CD44: variants seen among roughly 807,000 people sequenced by gnomAD.
CD44 encodes the protein CD44 antigen.
In CD44, 49 loss-of-function variants were observed where a neutral mutation model predicts 88.8. That is an observed-to-expected ratio of 0.55 (90% CI 0.44 to 0.70). CD44 has a LOEUF of 0.70. Among genes scored for constraint, CD44 ranks in the 30% least tolerant of loss-of-function variants. The pLI is 0.00. For synonymous variants in CD44, 325 were observed against 312.3 expected (o/e 1.04, Z -0.43); for missense variants, 883 against 913.8 (o/e 0.97, Z 0.43).
intron 16 of CD44, among the ~76,000 whole-genome samples, 181 bp from the exon 17 acceptor site, chr11:35,221,473 A>G (rs1949296844): frequency 6.6e-6 from 1 of 152,278 alleles, no homozygotes; most frequent in South Asian, 2.1e-4. Context: ...GCTGTTGGAC[A>G]AATACCTTCA....
At chr11:35,178,937 C>T (rs1456605077) in intron 2 of CD44, among the ~76,000 whole-genome samples, 1 of 152,198 alleles carries the variant, frequency 6.6e-6, no homozygotes, top group Non-Finnish European at 1.5e-5. Context: ...GGCAGAGTCT[C>T]ATGGGTTAGG....
At position 35,182,461 on chromosome 11, in the gene CD44, T is replaced by G. The variant is rs375687812; in HGVS notation, c.367+2054T>G. Reference sequence around the variant, plus strand: ...CAGAAAACTGTAGAATGTTTACTCCTCCCTGTTATATGAGTGAAGAACACA... The same window carrying G: ...CAGAAAACTGTAGAATGTTTACTCCGCCCTGTTATATGAGTGAAGAACACA... On this transcript the variant is annotated intron_variant, in intron 3 of 17. Transcript: ENST00000428726. 7.9e-5 allele frequency among the ~76,000 whole-genome samples: 12 copies of G among 152,256 alleles called. No homozygotes were observed. The South Asian group carries it at 2.3e-3, about 29-fold the overall frequency.
At chr11:35,211,675 TG>T (rs1948404245) in intron 14 of CD44, among the ~76,000 whole-genome samples, 1 of 9,262 alleles carries the variant, frequency 1.1e-4, no homozygotes, top group East Asian at 0.25. Flanking sequence ...TGTGTTTGCA[TG>T]TGTGTGTGTG....
chr11:35,201,496 A>G (rs939243059), intron 8 of CD44, 175 bp from the exon 9 acceptor site: 2 of 688,916 alleles, frequency 2.9e-6, no homozygotes, highest in African/African-American at 3.6e-5. Flanking sequence ...TTCCAAGCCC[A>G]TTGATTTTCT....
At chr11:35,196,454 G>A (rs1946757615) in intron 5 of CD44, among the ~76,000 whole-genome samples, 1 of 152,004 alleles carries the variant, frequency 6.6e-6, no homozygotes, top group South Asian at 2.1e-4. Flanking sequence ...TGCTAATTAG[G>A]CTTCTGACTT....
intron 12 of CD44, among the ~76,000 whole-genome samples, chr11:35,208,515 G>A (rs1948103806): frequency 6.6e-6 from 1 of 152,146 alleles, no homozygotes; most frequent in Non-Finnish European, 1.5e-5. Flanking sequence ...CCAGGATAGT[G>A]ATTTCTCTAT....
At chr11:35,228,260 C>G (rs1323631447) in intron 17 of CD44, among the ~76,000 whole-genome samples, 1 of 152,182 alleles carries the variant, frequency 6.6e-6, no homozygotes, top group Non-Finnish European at 1.5e-5. Flanking sequence ...TTTGAGAAAC[C>G]TTAAATTAAC....
At position 35,210,064 on chromosome 11, in the gene CD44, A is replaced by G. The variant is rs1359662536; in HGVS notation, c.1606+10A>G. The G allele has an allele frequency of 2.0e-6, 3 of 1,495,636 alleles. No individual in the cohort carries two copies. In the African/African-American group the frequency reaches 4.3e-5, roughly 22 times the overall value. 92.6% of individuals were successfully genotyped at this position (1,495,636 alleles called of 1,614,324 possible). Reference sequence around the variant, plus strand: ...ACTCTGACATCAAGCAGTAAGGATTATAAAACCTAGTTGGCTTCAGCTATT... The same window carrying G: ...ACTCTGACATCAAGCAGTAAGGATTGTAAAACCTAGTTGGCTTCAGCTATT... On this transcript the variant is annotated intron_variant, in intron 13 of 17. Transcript: ENST00000428726.
intron 1 of CD44, among the ~76,000 whole-genome samples, chr11:35,160,626 C>G (rs1180742649): frequency 6.6e-6 from 1 of 152,292 alleles, no homozygotes; most frequent in East Asian, 1.9e-4. Flanking sequence ...CAACTCTGTT[C>G]TTGTCTGATA....
intron 1 of CD44, among the ~76,000 whole-genome samples, chr11:35,156,898 G>C (rs1941940826): frequency 6.6e-6 from 1 of 152,168 alleles, no homozygotes; most frequent in Non-Finnish European, 1.5e-5. Context: ...GCTGTGCATG[G>C]TGGCATGCAC....
chr11:35,211,477 C>CTTTCTCTATATATTG, intron 14 of CD44, 28 bp downstream of exon 14: 1 of 1,542,316 alleles, frequency 6.5e-7, no homozygotes, highest in Non-Finnish European at 9.0e-7. Context: ...ATCTAGTTTG[C>CTTTCTCTATATATTG]TTTCTCTATA....
intron 1 of CD44, among the ~76,000 whole-genome samples, chr11:35,167,350 T>A (rs955090174): frequency 2.6e-5 from 4 of 152,190 alleles, no homozygotes; most frequent in African/African-American, 9.7e-5. Flanking sequence ...TTGATTTTAT[T>A]TTCTCCTGTG....
chr11:35,173,863 G>A (rs1204894111), intron 1 of CD44, among the ~76,000 whole-genome samples: 7 of 152,120 alleles, frequency 4.6e-5, no homozygotes, highest in Non-Finnish European at 8.8e-5. Context: ...ACTAATGATA[G>A]AAAAGGATCC....
chr11:35,147,524 C>G (rs1402655150), intron 1 of CD44, among the ~76,000 whole-genome samples: 3 of 152,138 alleles, frequency 2.0e-5, no homozygotes, highest in Non-Finnish European at 2.9e-5. Context: ...AGGCAAGGCC[C>G]CCTGGGAACA....
chr11:35,221,106 C>T (rs79148089), intron 16 of CD44, among the ~76,000 whole-genome samples: 9,642 of 152,208 alleles, frequency 0.063, 414 homozygotes, highest in East Asian at 0.12. Context: ...TGTGATTACA[C>T]CTTACACGGT....
chr11:35,226,896 TTTTTTTG>T, intron 17 of CD44, among the ~76,000 whole-genome samples: 1 of 130,450 alleles, frequency 7.7e-6, no homozygotes, highest in African/African-American at 2.8e-5. Flanking sequence ...TTTTTTTTTT[TTTTTTTG>T]AGACGGAGTC....
chr11:35,179,532 G>A (rs1052180170), intron 2 of CD44, among the ~76,000 whole-genome samples: 4 of 152,164 alleles, frequency 2.6e-5, no homozygotes, highest in African/African-American at 7.2e-5. Flanking sequence ...GGAGAGAGGG[G>A]CTATGCATTT....
intron 1 of CD44, among the ~76,000 whole-genome samples, chr11:35,141,253 C>A (rs1857858101): frequency 2.0e-5 from 3 of 152,180 alleles, no homozygotes; most frequent in African/African-American, 7.2e-5. Context: ...CCCAGCTCCA[C>A]TGAGCTCCAA....
chr11:35,162,132 T>C (rs1030797924), intron 1 of CD44, among the ~76,000 whole-genome samples: 1 of 152,196 alleles, frequency 6.6e-6, no homozygotes, highest in Admixed American at 6.5e-5. Flanking sequence ...CAAGATTGTA[T>C]CTGGCTTGTA....
Sources: allele counts gnomAD v4.1 joint callset (sites outside exome capture counted in the v4.1 genomes callset), GRCh38; gene constraint gnomAD v4.1.1; transcripts MANE v1.5; gene names NCBI Gene and HGNC (gene_info 2026-07-23, HGNC 2026-07-21).